UBR3: variants seen among roughly 807,000 people sequenced by gnomAD.
The protein encoded by UBR3 is E3 ubiquitin-protein ligase UBR3.
In UBR3, 85 loss-of-function variants were observed where a neutral mutation model predicts 243.2. The observed-to-expected ratio is 0.35, with a 90% CI of 0.29 to 0.42. UBR3 has a LOEUF of 0.42. Among genes scored for constraint, UBR3 ranks in the 10% least tolerant of loss-of-function variants. UBR3 has a pLI of 1.00. For synonymous variants in UBR3, 748 were observed against 799.8 expected, an observed-to-expected ratio of 0.94 and a Z score of 1.09; for missense variants, 1,686 against 2,300.8, an observed-to-expected ratio of 0.73 and a Z score of 5.47.
intron 7 of UBR3, 133 bp from the exon 8 acceptor site, chr2:169,896,373 AT>A (rs1217656049): frequency 8.8e-6 from 5 of 570,826 alleles, no homozygotes; most frequent in South Asian, 3.8e-5. Context: ...CACCATCGAG[AT>A]TTTTTTTAAG....
chr2:169,876,243 G>C (rs1024617193), intron 3 of UBR3, among the ~76,000 whole-genome samples: 1 of 152,044 alleles, frequency 6.6e-6, no homozygotes, highest in Non-Finnish European at 1.5e-5. Flanking sequence ...ACTACGCCCA[G>C]CTAATTTTTT....
chr2:169,996,610 G>T (rs1205575667), intron 26 of UBR3, among the ~76,000 whole-genome samples: 2 of 150,800 alleles, frequency 1.3e-5, no homozygotes, highest in East Asian at 3.9e-4. Context: ...AGCAGTCTCT[G>T]TATGTGTGTG....
At chr2:169,939,566 CT>C (rs1196527694) in intron 19 of UBR3, among the ~76,000 whole-genome samples, 1 of 149,212 alleles carries the variant, frequency 6.7e-6, no homozygotes, top group African/African-American at 2.5e-5. Context: ...CGTGCCAGGC[CT>C]TTTTTTTTCC....
chr2:170,037,098 A>C (rs2090851487), intron 31 of UBR3, among the ~76,000 whole-genome samples: 1 of 152,156 alleles, frequency 6.6e-6, no homozygotes, highest in South Asian at 2.1e-4. Flanking sequence ...ATTTATTTGC[A>C]AATAACCAAG....
chr2:170,073,411 T>C lies in UBR3; in HGVS notation c.5020-17T>C, dbSNP rs1469447586. ...TTGATGAAATATTTTCAGAATTTCC[T>C]ATTTCATGTCTAAAAGGAAGAAGAA... is the stretch of plus-strand genomic sequence containing the variant. On this transcript the variant is annotated splice_polypyrimidine_tract_variant and intron_variant, in intron 35 of 38. Transcript: ENST00000272793. The C allele has an allele frequency of 6.2e-7, 1 of 1,612,914 alleles. No individual in the cohort carries two copies.
At chr2:169,831,127 ATTTTTTTTTTTTTTTTTTT>A in intron 1 of UBR3, among the ~76,000 whole-genome samples, 1 of 56,464 alleles carries the variant, frequency 1.8e-5, no homozygotes, top group South Asian at 9.5e-4. Flanking sequence ...ATATATATAT[ATTTTTTTTTTTTTTTTTTT>A]TTTTTTTTTG....
chr2:170,076,537 G>A (rs2091814347), intron 36 of UBR3, among the ~76,000 whole-genome samples: 1 of 152,224 alleles, frequency 6.6e-6, no homozygotes, highest in East Asian at 1.9e-4. Flanking sequence ...ACACCCAGAT[G>A]GCCTGGAAAA....
At position 169,947,803 on chromosome 2, in the gene UBR3, GA is replaced by G. The variant is rs986586775; in HGVS notation, c.3084+97del. On this transcript the variant is annotated intron_variant, in intron 22 of 38. Transcript: ENST00000272793. ...TATACTGTTCCTATAATATCCAAAA[GA>G]AAAAAAAATGTGGTTGTAGATAACT... 91 of 1,234,254 alleles carry G rather than the reference GA, an allele frequency of 7.4e-5. 1 individual carries two copies. The highest frequency in any genetic ancestry group is 5.4e-4 in the East Asian group (17 of 31,334). 76.5% of individuals were successfully genotyped at this position (1,234,254 alleles called of 1,614,324 possible). A position where few individuals can be genotyped will look rare whatever the true frequency, so the allele number is the denominator to read the frequency against.
intron 25 of UBR3, among the ~76,000 whole-genome samples, chr2:169,988,634 G>A (rs1163601368): frequency 6.6e-6 from 1 of 151,810 alleles, no homozygotes; most frequent in Non-Finnish European, 1.5e-5. Context: ...GTAAGACCCT[G>A]TCTCTACAAA....
At chr2:170,077,239 T>C (rs750508598) in intron 36 of UBR3, 1 of 729,026 alleles carries the variant, frequency 1.4e-6, no homozygotes, top group Admixed American at 1.7e-5. Context: ...CCAGTAAGAC[T>C]GCATTTATAC....
At chr2:169,996,608 CTG>C (rs2089485940) in intron 26 of UBR3, among the ~76,000 whole-genome samples, 1 of 150,648 alleles carries the variant, frequency 6.6e-6, no homozygotes, top group Non-Finnish European at 1.5e-5. Flanking sequence ...GTAGCAGTCT[CTG>C]TATGTGTGTG....
chr2:169,834,018 C>A (rs1440881378), intron 1 of UBR3, among the ~76,000 whole-genome samples: 2 of 152,166 alleles, frequency 1.3e-5, no homozygotes, highest in African/African-American at 2.4e-5. Context: ...GAACTCCTGG[C>A]TTCAAGCAGT....
chr2:169,915,354 C>T (rs1296210212), intron 11 of UBR3, among the ~76,000 whole-genome samples: 1 of 152,182 alleles, frequency 6.6e-6, no homozygotes, highest in Non-Finnish European at 1.5e-5. Context: ...CTGTCTCAGC[C>T]TCCCGAGTAG....
intron 1 of UBR3, among the ~76,000 whole-genome samples, chr2:169,831,245 A>T (rs2081933415): frequency 7.2e-6 from 1 of 139,802 alleles, no homozygotes; most frequent in South Asian, 2.3e-4. Flanking sequence ...GGTTCAAGTG[A>T]TTCTCTACCT....
At chr2:170,022,717 A>T (rs886908783) in intron 30 of UBR3, among the ~76,000 whole-genome samples, 9 of 152,190 alleles carry the variant, frequency 5.9e-5, no homozygotes, top group Middle Eastern at 3.4e-3. Context: ...ATATAATAAT[A>T]ATTATTAAAC....
intron 29 of UBR3, among the ~76,000 whole-genome samples, chr2:170,010,799 G>A (rs1034734102): frequency 6.6e-6 from 1 of 152,020 alleles, no homozygotes; most frequent in Non-Finnish European, 1.5e-5. Context: ...CTTTTGCTTG[G>A]AATTCCCCAA....
chr2:169,936,251 G>A (rs2086323874), intron 19 of UBR3, among the ~76,000 whole-genome samples: 1 of 151,970 alleles, frequency 6.6e-6, no homozygotes, highest in African/African-American at 2.4e-5. Context: ...TAGAGATGGG[G>A]TTTCTCCATG....
chr2:170,080,632 C>T lies in UBR3; in HGVS notation c.5497C>T (p.Leu1833Phe). ...CATCATTCGAGGTCACCGCTTCTGC[C>T]TCTGGGGTTCCGTGTATTTGGATGC... ...IIIIRGHRFC[L>F]WGSVYLDAHG... The change falls in exon 38 of 39, where the codon CTC becomes TTC. Residue 1833 changes from leucine (L) to phenylalanine (F), a missense_variant. By Grantham distance (22) the Leu-to-Phe change is conservative. Transcript: ENST00000272793. 2 of 1,613,970 alleles carry T rather than the reference C, an allele frequency of 1.2e-6. No individual in the cohort carries two copies. Among genetic ancestry groups the T allele is most frequent in the Non-Finnish European group, 1.7e-6 (2 of 1,179,936 alleles).
chr2:169,839,870 T>C (rs56182768), intron 1 of UBR3, among the ~76,000 whole-genome samples: 8,160 of 152,234 alleles, frequency 0.054, 406 homozygotes, highest in African/African-American at 0.13. Flanking sequence ...CCCCAAGGTG[T>C]AAGAATTAAA....
Sources: allele counts gnomAD v4.1 joint callset (sites outside exome capture counted in the v4.1 genomes callset), GRCh38; gene constraint gnomAD v4.1.1; transcripts MANE v1.5; gene names NCBI Gene and HGNC (gene_info 2026-07-23, HGNC 2026-07-21).